Variants in TMEM164 observed in about 807,000 individuals in gnomAD.
TMEM164 encodes the protein RP13-360B22.2.
Under a neutral mutation model 18.8 loss-of-function variants are expected in TMEM164, and 4 were observed. The ratio of observed to expected loss-of-function variants is 0.21; its 90% CI spans 0.10 to 0.49. TMEM164 has a LOEUF of 0.49. Among genes scored for constraint, TMEM164 ranks in the 20% least tolerant of loss-of-function variants. The pLI is 0.98. For synonymous variants in TMEM164, 86 were observed against 101.7 expected (o/e 0.85, Z 0.93); for missense variants, 108 against 239.9 (o/e 0.45, Z 3.63).
At chrX:110,102,914 T>C (rs1226416292) in intron 3 of TMEM164, among the ~76,000 whole-genome samples, 1 of 112,367 alleles carries the variant, frequency 8.9e-6, no homozygotes, top group African/African-American at 3.2e-5. Flanking sequence ...GCAGATACTG[T>C]GTCCTACTTA....
At chrX:110,046,382 G>A (rs984411512) in intron 2 of TMEM164, 4 of 752,088 alleles carry the variant, frequency 5.3e-6, no homozygotes, top group Admixed American at 1.8e-4. Context: ...TCATGTAATA[G>A]AGGAAAGCAT....
At chrX:110,022,340 A>G (rs757768392) in intron 2 of TMEM164, among the ~76,000 whole-genome samples, 1 of 111,188 alleles carries the variant, frequency 9.0e-6, no homozygotes, top group African/African-American at 3.3e-5. Flanking sequence ...GTCAAGAGAG[A>G]TCTAAGATGT....
intron 2 of TMEM164, among the ~76,000 whole-genome samples, chrX:110,048,698 G>T (rs1344480709): frequency 9.0e-6 from 1 of 111,699 alleles, no homozygotes; most frequent in African/African-American, 3.3e-5. Context: ...AACTTACCCT[G>T]GGGGTTATTT....
At chrX:110,017,572 AT>A (rs1215521293) in intron 2 of TMEM164, among the ~76,000 whole-genome samples, 35 of 50,347 alleles carry the variant, frequency 7.0e-4, no homozygotes, top group Middle Eastern at 0.01. Context: ...TCTTTCTTTC[AT>A]TTTTTTTTTT....
At chrX:110,128,279 GC>G (rs1380907998) in intron 4 of TMEM164, among the ~76,000 whole-genome samples, 1 of 111,910 alleles carries the variant, frequency 8.9e-6, no homozygotes, top group Non-Finnish European at 1.9e-5. Context: ...ACACAAAAGA[GC>G]CTACTTCTCA....
chrX:110,107,403 A>C (rs1377348858), intron 3 of TMEM164, among the ~76,000 whole-genome samples: 1 of 112,480 alleles, frequency 8.9e-6, no homozygotes, highest in African/African-American at 3.2e-5. Context: ...AAGAAAGTTC[A>C]TGTAAAGCAG....
chrX:110,155,121 A>G (rs1473632061), intron 5 of TMEM164, among the ~76,000 whole-genome samples: 2 of 111,703 alleles, frequency 1.8e-5, no homozygotes, highest in Admixed American at 9.5e-5. Context: ...GCTGTGTTCT[A>G]AAGCCGCAGA....
Position 110,109,759 on chromosome X carries a change from C to T in TMEM164, c.507+613C>T, listed in dbSNP as rs1174857017. ...AACCCATGGGCCAGTCTGGACCAAA[C>T]AGCCCCTCATGGCTAGCAGGGAGAA... On this transcript the variant is annotated intron_variant, in intron 4 of 6. Transcript: ENST00000372068. Among the ~76,000 whole-genome samples the T allele has an allele frequency of 2.7e-5, 3 of 111,687 alleles. No individual in the cohort carries two copies. The Admixed American group carries it at 2.8e-4, about 11-fold the overall frequency.
chrX:110,104,681 T>C (rs145781073), intron 3 of TMEM164, among the ~76,000 whole-genome samples: 1,565 of 112,066 alleles, frequency 0.014, 30 homozygotes, highest in African/African-American at 0.048. Context: ...TATTTTCTCT[T>C]CCTCATGACT....
chrX:110,163,135 C>T (rs1218501343), intron 5 of TMEM164, among the ~76,000 whole-genome samples: 1 of 111,700 alleles, frequency 9.0e-6, no homozygotes, highest in Non-Finnish European at 1.9e-5. Flanking sequence ...ATGAAAAAGT[C>T]ATTTGTGACC....
chrX:110,050,240 A>T (rs192285391), intron 2 of TMEM164, among the ~76,000 whole-genome samples: 2 of 110,144 alleles, frequency 1.8e-5, no homozygotes, highest in East Asian at 5.8e-4. Flanking sequence ...AAACCACCAA[A>T]CTCTGGGCCA....
intron 3 of TMEM164, among the ~76,000 whole-genome samples, chrX:110,080,469 A>G (rs2065736459): frequency 8.9e-6 from 1 of 111,763 alleles, no homozygotes; most frequent in Non-Finnish European, 1.9e-5. Flanking sequence ...ATACGGTCTG[A>G]TAAAGCAGAA....
At chrX:110,094,446 CTTT>C (rs775151803) in intron 3 of TMEM164, among the ~76,000 whole-genome samples, 7 of 111,771 alleles carry the variant, frequency 6.3e-5, no homozygotes, top group African/African-American at 2.3e-4. Context: ...TAATGGCCTT[CTTT>C]GTCTCTTGAT....
At chrX:110,093,331 G>A (rs2065962046) in intron 3 of TMEM164, among the ~76,000 whole-genome samples, 1 of 111,425 alleles carries the variant, frequency 9.0e-6, no homozygotes, top group Non-Finnish European at 1.9e-5. Context: ...GACTTTTTTT[G>A]TTTGATAGGC....
At chrX:110,094,774 C>T (rs1057132467) in intron 3 of TMEM164, among the ~76,000 whole-genome samples, 1 of 111,998 alleles carries the variant, frequency 8.9e-6, no homozygotes, top group African/African-American at 3.2e-5. Context: ...TTCCTAGCAT[C>T]AAAGGTCTTT....
intron 4 of TMEM164, among the ~76,000 whole-genome samples, chrX:110,113,910 A>T (rs1314149705): frequency 8.9e-6 from 1 of 111,777 alleles, no homozygotes; most frequent in African/African-American, 3.3e-5. Context: ...GATTCAGATG[A>T]ATTATATTAA....
At chrX:110,108,590 T>A (rs2066246747) in intron 3 of TMEM164, among the ~76,000 whole-genome samples, 1 of 112,465 alleles carries the variant, frequency 8.9e-6, no homozygotes, top group South Asian at 3.7e-4. Context: ...AACACTGCAG[T>A]TGGCTTCCTG....
intron 4 of TMEM164, among the ~76,000 whole-genome samples, chrX:110,121,236 A>G (rs1267986238): frequency 8.9e-6 from 1 of 112,445 alleles, no homozygotes; most frequent in Non-Finnish European, 1.9e-5. Context: ...CTTTTCAAAT[A>G]TACAATTCAG....
chrX:110,051,792 C>T (rs1330110141), intron 2 of TMEM164, among the ~76,000 whole-genome samples: 1 of 111,703 alleles, frequency 9.0e-6, no homozygotes, highest in Non-Finnish European at 1.9e-5. Flanking sequence ...CCTCAGCTTC[C>T]AGCTGACTCC....
Sources: gnomAD v4.1 joint callset for allele counts (sites outside exome capture counted in the v4.1 genomes callset) on GRCh38, gnomAD v4.1.1 for gene constraint, MANE v1.5 for transcripts, NCBI Gene and HGNC (gene_info 2026-07-23, HGNC 2026-07-21) for gene names.